SRGAP1: variants seen among roughly 807,000 people sequenced by gnomAD.
The protein encoded by SRGAP1 is SLIT-ROBO Rho GTPase activating protein 1.
In SRGAP1, 43 loss-of-function variants were observed where a neutral mutation model predicts 121.9. That is an observed-to-expected ratio of 0.35 (90% confidence interval 0.28 to 0.46). SRGAP1 has a LOEUF of 0.46. Ranked by LOEUF, SRGAP1 falls within the 20% of genes least tolerant of loss-of-function variation. SRGAP1 has a pLI of 1.00. For missense variants in SRGAP1, 1,102 were observed against 1,350.9 expected, an observed-to-expected ratio of 0.82 and a Z score of 2.89; for synonymous variants, 447 against 485.4, an observed-to-expected ratio of 0.92 and a Z score of 1.04.
chr12:63,901,646 C>T (rs978499126), intron 1 of SRGAP1, among the ~76,000 whole-genome samples: 6 of 152,188 alleles, frequency 3.9e-5, no homozygotes, highest in African/African-American at 1.2e-4. Context: ...TTTAGTCATA[C>T]CTCCCCAACT....
intron 1 of SRGAP1, among the ~76,000 whole-genome samples, chr12:63,900,420 A>G (rs1262781529): frequency 2.6e-5 from 4 of 151,478 alleles, no homozygotes; most frequent in African/African-American, 9.7e-5. Context: ...TTAGCCAGAT[A>G]GTATCAATCT....
At chr12:64,119,049 A>G (rs966416150) in intron 18 of SRGAP1, among the ~76,000 whole-genome samples, 3 of 152,172 alleles carry the variant, frequency 2.0e-5, no homozygotes, top group African/African-American at 4.8e-5. Context: ...CTTTTCACAC[A>G]TAAGTCTTTA....
At chr12:63,892,893 A>C (rs1900633073) in intron 1 of SRGAP1, among the ~76,000 whole-genome samples, 1 of 152,194 alleles carries the variant, frequency 6.6e-6, no homozygotes, top group Non-Finnish European at 1.5e-5. Context: ...GCTAAAAAAA[A>C]AATTGTAGCA....
chr12:63,945,380 A>G (rs2032011632), intron 1 of SRGAP1, among the ~76,000 whole-genome samples: 1 of 151,900 alleles, frequency 6.6e-6, no homozygotes, highest in African/African-American at 2.4e-5. Context: ...CCCGTCATCT[A>G]TGTTAGGTAT....
intron 12 of SRGAP1, chr12:64,091,895 G>A (rs1316485183): frequency 5.2e-6 from 8 of 1,535,674 alleles, no homozygotes; most frequent in Admixed American, 2.0e-5. Context: ...GCTTCTAGCC[G>A]AGGACGAAGA....
intron 10 of SRGAP1, among the ~76,000 whole-genome samples, chr12:64,082,762 C>G (rs891707649): frequency 6.6e-6 from 1 of 152,096 alleles, no homozygotes; most frequent in Non-Finnish European, 1.5e-5. Context: ...ATTTCTTTAT[C>G]TTGGAATTTT....
rs530146737 is a variant in SRGAP1, at chr12:64,095,970, A to G, written c.1678+766A>G. 3.3e-5 allele frequency among the ~76,000 whole-genome samples: 5 copies of G among 152,258 alleles called. No individual in the cohort carries two copies. The South Asian group carries it at 6.2e-4, about 19-fold the overall frequency. ...GAATCATATCAGACTCTCAGCCACT[A>G]ATCAATCATGTGATACGGGTCAAGT... On this transcript the variant is annotated intron_variant, in intron 14 of 21. Coordinates refer to ENST00000355086, the MANE Select transcript of SRGAP1 (RefSeq NM_020762.4).
intron 4 of SRGAP1, among the ~76,000 whole-genome samples, chr12:64,042,021 C>G (rs1007114731): frequency 6.6e-6 from 1 of 151,646 alleles, no homozygotes; most frequent in Non-Finnish European, 1.5e-5. Context: ...GCCTCAGCCT[C>G]CCGAGTAGCT....
At chr12:63,993,313 A>G (rs2033607253) in intron 3 of SRGAP1, among the ~76,000 whole-genome samples, 1 of 152,226 alleles carries the variant, frequency 6.6e-6, no homozygotes, top group African/African-American at 2.4e-5. Flanking sequence ...CCACATGCTT[A>G]GCATTCCAAT....
chr12:63,959,301 A>G (rs2032565763), intron 1 of SRGAP1, among the ~76,000 whole-genome samples: 1 of 152,198 alleles, frequency 6.6e-6, no homozygotes, highest in African/African-American at 2.4e-5. Context: ...CAGGAACATA[A>G]CTAGCTCATA....
At chr12:63,985,870 G>T (rs375806186) in intron 2 of SRGAP1, among the ~76,000 whole-genome samples, 3 of 152,150 alleles carry the variant, frequency 2.0e-5, no homozygotes, top group East Asian at 3.9e-4. Context: ...CTCAGCCTGG[G>T]CTCCTGTTTG....
chr12:63,954,372 A>G lies in SRGAP1; in HGVS notation c.68-29575A>G, dbSNP rs1158387954. ...CCTTATTTAAATGGAATTTTCCCCC[A>G]TCTTTCTCATTAAAAAGAAAAAAGC... is the stretch of plus-strand genomic sequence containing the variant. On this transcript the variant is annotated intron_variant, in intron 1 of 21. Coordinates refer to ENST00000355086, the MANE Select transcript of SRGAP1 (RefSeq NM_020762.4). 3.3e-5 allele frequency among the ~76,000 whole-genome samples: 5 copies of G among 152,258 alleles called. No homozygotes were observed. In the South Asian group the frequency reaches 1.0e-3, roughly 32 times the overall value.
At chr12:64,111,717 T>A (rs752844453) in intron 16 of SRGAP1, 45 bp from the exon 17 acceptor site, 4 of 1,498,028 alleles carry the variant, frequency 2.7e-6, no homozygotes, top group Middle Eastern at 1.8e-4. Flanking sequence ...ATATCCTTTT[T>A]TTCTCTTTGT....
intron 1 of SRGAP1, among the ~76,000 whole-genome samples, chr12:63,887,030 T>C (rs896074229): frequency 6.6e-6 from 1 of 152,084 alleles, no homozygotes; most frequent in African/African-American, 2.4e-5. Context: ...TCCGCCACCA[T>C]GCCTGGCTTA....
intron 10 of SRGAP1, among the ~76,000 whole-genome samples, chr12:64,085,041 G>A (rs1445067958): frequency 6.6e-6 from 1 of 152,130 alleles, no homozygotes; most frequent in Non-Finnish European, 1.5e-5. Context: ...AAAGACTTAC[G>A]TTTTTAAAGG....
intron 8 of SRGAP1, among the ~76,000 whole-genome samples, chr12:64,068,517 T>C (rs1220160623): frequency 1.3e-5 from 2 of 150,764 alleles, no homozygotes; most frequent in African/African-American, 2.4e-5. Context: ...GTATTTTTCA[T>C]AGAGACAGGG....
At chr12:63,966,405 A>C (rs985103153) in intron 1 of SRGAP1, among the ~76,000 whole-genome samples, 1 of 152,216 alleles carries the variant, frequency 6.6e-6, no homozygotes, top group Non-Finnish European at 1.5e-5. Context: ...AGGACTCAGA[A>C]CTTAAACTTG....
At chr12:63,993,776 G>C (rs1403309842) in intron 3 of SRGAP1, among the ~76,000 whole-genome samples, 1 of 151,480 alleles carries the variant, frequency 6.6e-6, no homozygotes, top group African/African-American at 2.4e-5. Flanking sequence ...GAGCTATAGG[G>C]AACAGCTTCA....
rs377268450 is a variant in SRGAP1 at position 63,885,672 on chromosome 12, A to T, written c.67+40789A>T. Among the ~76,000 whole-genome samples, 4 of 152,334 alleles carry T rather than the reference A, an allele frequency of 2.6e-5. No individual in the cohort carries two copies. The South Asian group carries it at 8.3e-4, about 32-fold the overall frequency. On this transcript the variant is annotated intron_variant, in intron 1 of 21. Coordinates refer to ENST00000355086, the MANE Select transcript of SRGAP1 (RefSeq NM_020762.4). ...CAGGAATGAGAGTTTTTTGACCCACAATCAGGTTAGAGTCCTGCCTGGGCA... is the reference window on the plus strand; with the variant it reads ...CAGGAATGAGAGTTTTTTGACCCACTATCAGGTTAGAGTCCTGCCTGGGCA...
Sources: allele counts gnomAD v4.1 joint callset (sites outside exome capture counted in the v4.1 genomes callset), GRCh38; gene constraint gnomAD v4.1.1; transcripts MANE v1.5; gene names NCBI Gene and HGNC (gene_info 2026-07-23, HGNC 2026-07-21).